Variants in MKNK2 observed in about 807,000 individuals in gnomAD.
The protein encoded by MKNK2 is MAP kinase-interacting serine/threonine-protein kinase 2.
In MKNK2, 54 loss-of-function variants were observed where a neutral mutation model predicts 55.0. The observed-to-expected ratio is 0.98, with a 90% CI of 0.79 to 1.23. MKNK2 has a LOEUF of 1.23. Among genes scored for constraint, MKNK2 ranks in the 50% most tolerant of loss-of-function variants. The pLI is 0.00. For missense variants in MKNK2, 685 were observed against 632.1 expected (o/e 1.08, Z -0.90); for synonymous variants, 323 against 256.0 (o/e 1.26, Z -2.50).
In MKNK2 at chr19:2,037,752, G is replaced by GT. The variant is rs1481064912; in HGVS notation, c.*1860dup. On this transcript the variant is annotated 3_prime_UTR_variant, in exon 14 of 14. Coordinates refer to ENST00000250896, the MANE Select transcript of MKNK2 (RefSeq NM_199054.3). The stretch of plus-strand genomic sequence containing the variant: ...CCTCCAGGATCTTCACTCATTCACA[G>GT]TAACGGTTCTGACCAGTCCTCCAGG... 4 of 1,599,140 alleles carry GT rather than the reference G, an allele frequency of 2.5e-6. No individual in the cohort carries two copies. Among genetic ancestry groups the GT allele is most frequent in the East Asian group, 2.2e-5 (1 of 44,596 alleles).
rs2145692437 is a variant in MKNK2 at position 2,046,424 on chromosome 19, T to G, written c.184A>C (p.Arg62=). The G allele has an allele frequency of 6.2e-7, 1 of 1,609,404 alleles. No homozygotes were observed. The highest frequency in any genetic ancestry group is 8.5e-7 in the Non-Finnish European group (1 of 1,179,770). ...CGGCCGCGCTTCTTCTTCTTGCCCCTCTTCTTGGCGTCCGGGATGTCAATG... is the reference window on the plus strand; with the variant it reads ...CGGCCGCGCTTCTTCTTCTTGCCCCGCTTCTTGGCGTCCGGGATGTCAATG... ...QPIDIPDAKK[R]GKKKKRGRAT... is the part of the protein sequence containing the mutation. Residue 62 remains arginine, a synonymous_variant, in exon 4 of 14, where the codon AGG becomes CGG. Transcript: ENST00000250896.
rs951206272 is a variant in MKNK2 at position 2,039,587 on chromosome 19, C to T, written c.*26G>A. 9 of 1,598,562 alleles carry T rather than the reference C, an allele frequency of 5.6e-6. No homozygotes were observed. The Admixed American group carries it at 6.7e-5, about 12-fold the overall frequency. On this transcript the variant is annotated 3_prime_UTR_variant, in exon 14 of 14. Transcript: ENST00000250896. ...TAGATTTGATTGGGGGACGGGTGAC[C>T]TATGTACAGAGGGGAGATGGGAGGG...
chr19:2,047,613 G>A (rs140702586), intron 2 of MKNK2, among the ~76,000 whole-genome samples: 2 of 152,102 alleles, frequency 1.3e-5, no homozygotes, highest in African/African-American at 4.8e-5. Flanking sequence ...TAGGCGGGCT[G>A]CCAGCCTGGT....
rs1481448502 is a variant in MKNK2 at position 2,046,210 on chromosome 19, G to A, written c.315C>T (p.Ile105=). The A allele has an allele frequency of 1.9e-6, 3 of 1,608,584 alleles. No individual in the cohort carries two copies. Among genetic ancestry groups the A allele is most frequent in the Admixed American group, 1.7e-5 (1 of 60,022 alleles). ...CCTTGACGGCGTACTCCTGGCTGGT[G>A]ATCAGGTTGATGCAGGTCTGCACTC... ...HARVQTCINL[I]TSQEYAVKII... Residue 105 remains isoleucine, a synonymous_variant, in exon 5 of 14, where the codon ATC becomes ATT. Transcript: ENST00000250896.
Position 2,038,529 on chromosome 19 carries a change from G to A in MKNK2, c.*1084C>T, listed in dbSNP as rs895599194. 7 of 985,526 alleles carry A rather than the reference G, an allele frequency of 7.1e-6. No individual in the cohort carries two copies. Among genetic ancestry groups the A allele is most frequent in the East Asian group, 1.1e-4 (1 of 8,790 alleles). The allele number at this position is 985,526 out of a possible 1,614,324, so 61.0% of individuals were successfully genotyped here. A position where few individuals can be genotyped will look rare whatever the true frequency, so the allele number is the denominator to read the frequency against. ...ATTCCTGGGTGCCCGAAGGGAGGCC[G>A]AGGCCGCAGCCGTTTTCCTGAAGGT... is the stretch of plus-strand genomic sequence containing the variant. On this transcript the variant is annotated 3_prime_UTR_variant, in exon 14 of 14. Coordinates refer to ENST00000250896, the MANE Select transcript of MKNK2 (RefSeq NM_199054.3).
Position 2,042,444 on chromosome 19 carries a change from G to C in MKNK2, c.733C>G (p.Pro245Ala). The C allele has an allele frequency of 6.3e-7, 1 of 1,584,334 alleles. No homozygotes were observed. Among genetic ancestry groups the C allele is most frequent in the Non-Finnish European group, 8.6e-7 (1 of 1,166,950 alleles). The change falls in exon 10 of 14, where the codon CCG (proline) becomes GCG (alanine). Residue 245 changes from proline (P) to alanine (A), a missense_variant. Transcript: ENST00000250896. ...LNGDCSPIST[P>A]ELLTPCGSAE... ...GCCCTCACCGGAGTGAGCAGCTCCG[G>C]GGTGGAGATAGGGGAGCAGTCCCCG...
In MKNK2 at chr19:2,041,026, C is replaced by A. The variant is rs760798288; in HGVS notation, c.1110+14G>T. 1.2e-6 allele frequency: 2 copies of A among 1,613,130 alleles called. No individual in the cohort carries two copies. The highest frequency in any genetic ancestry group is 1.3e-5 in the African/African-American group (1 of 74,886). ...CCCCATACCCCTCCTGCCGCCCGTG[C>A]GGCTGGTACTCACCCCCTGAACCCA... On this transcript the variant is annotated intron_variant, in intron 12 of 13. Transcript: ENST00000250896.
In MKNK2 at chr19:2,041,255, C is replaced by G. The variant is rs764010111; in HGVS notation, c.946-51G>C. 1.9e-5 allele frequency: 30 copies of G among 1,566,542 alleles called. No individual in the cohort carries two copies. In the East Asian group the frequency reaches 6.3e-4, roughly 33 times the overall value. ...TTAGACCTGCCCAAGGGCCTGGATACTGTGCACTGACACGTGGCTCCAACC... is the reference window on the plus strand; with the variant it reads ...TTAGACCTGCCCAAGGGCCTGGATAGTGTGCACTGACACGTGGCTCCAACC... On this transcript the variant is annotated intron_variant, in intron 11 of 13. Transcript: ENST00000250896.
intron 2 of MKNK2, among the ~76,000 whole-genome samples, chr19:2,049,250 A>G (rs1410536749): frequency 6.6e-6 from 1 of 152,216 alleles, no homozygotes; most frequent in Non-Finnish European, 1.5e-5. Flanking sequence ...CCATCTGCGA[A>G]CGGAAAGAAA....
At position 2,046,627 on chromosome 19, in the gene MKNK2, C is replaced by T; in HGVS notation, c.116G>A (p.Gly39Asp). 1 of 1,569,578 alleles carries T rather than the reference C, an allele frequency of 6.4e-7. No homozygotes were observed. The change falls in exon 3 of 14, where the codon GGC (glycine) becomes GAC (aspartate). Residue 39 changes from glycine to aspartate, a missense_variant. Physicochemically the swap from Gly to Asp is moderately conservative, Grantham distance 94. Coordinates refer to ENST00000250896, the MANE Select transcript of MKNK2 (RefSeq NM_199054.3). ...DQPDHGDSDF[G>D]LQCSARPDMP... The stretch of plus-strand genomic sequence containing the variant: ...ACCAGGGCGGGCTGAGCACTGCAGG[C>T]CAAAGTCAGAGTCTCCGTGGTCGGG...
intron 5 of MKNK2, among the ~76,000 whole-genome samples, 192 bp downstream of exon 5, chr19:2,045,994 G>A (rs969437992): frequency 4.6e-5 from 7 of 152,192 alleles, no homozygotes; most frequent in Non-Finnish European, 7.4e-5. Context: ...GCCTCTGTCT[G>A]AAGCCCCCAC....
chr19:2,042,283 A>G (rs925762253), intron 10 of MKNK2, 144 bp downstream of exon 10: 4 of 827,656 alleles, frequency 4.8e-6, no homozygotes, highest in Non-Finnish European at 7.3e-6. Context: ...CCCCGCCGCG[A>G]CACCCCGCCC....
chr19:2,048,452 G>T (rs1029570285), intron 2 of MKNK2, among the ~76,000 whole-genome samples: 1 of 152,132 alleles, frequency 6.6e-6, no homozygotes, highest in Admixed American at 6.5e-5. Flanking sequence ...CAGGTTCCTT[G>T]TACCACTGAG....
In MKNK2 at chr19:2,039,535, C is replaced by G; in HGVS notation, c.*78G>C. ...CAGAGGAGGGGCAGCCCGCTGGACA[C>G]CGGCTGGCGATAGCTTAAAAAACCT... On this transcript the variant is annotated 3_prime_UTR_variant, in exon 14 of 14. Coordinates refer to ENST00000250896, the MANE Select transcript of MKNK2 (RefSeq NM_199054.3). 1 of 1,499,422 alleles carries G rather than the reference C, an allele frequency of 6.7e-7. No individual in the cohort carries two copies. The highest frequency in any genetic ancestry group is 8.9e-7 in the Non-Finnish European group (1 of 1,121,782). 92.9% of individuals were successfully genotyped at this position (1,499,422 alleles called of 1,614,324 possible).
rs111246665 is a variant in MKNK2, at chr19:2,042,273, C to A, written c.750+154G>T. The stretch of plus-strand genomic sequence containing the variant: ...GACGCGTTGGGGCGCCTGCTCGAGG[C>A]CCCGCCGCGACACCCCGCCCAACCA... On this transcript the variant is annotated intron_variant, in intron 10 of 13. Coordinates refer to ENST00000250896, the MANE Select transcript of MKNK2 (RefSeq NM_199054.3). 1.5e-4 allele frequency: 121 copies of A among 795,498 alleles called. No individual in the cohort carries two copies. The African/African-American group carries it at 2.0e-3, about 13-fold the overall frequency. The allele number at this position is 795,498 out of a possible 1,614,324, so 49.3% of individuals were successfully genotyped here.
chr19:2,042,125 G>A, intron 10 of MKNK2, 91 bp from the exon 11 acceptor site: 2 of 1,253,590 alleles, frequency 1.6e-6, no homozygotes, highest in East Asian at 3.0e-5. Flanking sequence ...GCGCCAGCCG[G>A]CTCGGACCCC....
In MKNK2 at chr19:2,039,712, G is replaced by A. The variant is rs752599580; in HGVS notation, c.1299C>T (p.Cys433=). ...QPVLVRATSR[C]LQLSPPSQSK... is the part of the protein sequence containing the mutation. ...ACTGGGAGGGTGGAGACAGCTGCAG[G>A]CAGCGTGAGGTAGCTCGGACCAGGA... is the stretch of plus-strand genomic sequence containing the variant. Residue 433 remains cysteine (C), a synonymous_variant, in exon 14 of 14, where the codon TGC becomes TGT. Coordinates refer to ENST00000250896, the MANE Select transcript of MKNK2 (RefSeq NM_199054.3). 1.6e-5 allele frequency: 25 copies of A among 1,612,324 alleles called. No homozygotes were observed. Among genetic ancestry groups the A allele is most frequent in the East Asian group, 1.3e-4 (6 of 44,888 alleles).
chr19:2,038,247 G>T lies in MKNK2; in HGVS notation c.*1366C>A, dbSNP rs866402296. The T allele has an allele frequency of 2.4e-5, 23 of 958,936 alleles. No individual in the cohort carries two copies. Among genetic ancestry groups the T allele is most frequent in the South Asian group, 1.4e-4 (3 of 20,732 alleles). 59.4% of individuals were successfully genotyped at this position (958,936 alleles called of 1,614,324 possible). ...GGGAAGCAAAGTCCATCGATGTGTT[G>T]TTTTTTTTTAAGGAAAAACTAAAAA... On this transcript the variant is annotated 3_prime_UTR_variant, in exon 14 of 14. Coordinates refer to ENST00000250896, the MANE Select transcript of MKNK2 (RefSeq NM_199054.3).
At position 2,043,037 on chromosome 19, in the gene MKNK2, A is replaced by C; in HGVS notation, c.493+87T>G. 3 of 1,327,990 alleles carry C rather than the reference A, an allele frequency of 2.3e-6. No homozygotes were observed. In the Admixed American group the frequency reaches 5.2e-5, roughly 23 times the overall value. The allele number at this position is 1,327,990 out of a possible 1,614,324, so 82.3% of individuals were successfully genotyped here. A position where few individuals can be genotyped will look rare whatever the true frequency, so the allele number is the denominator to read the frequency against. Reference sequence around the variant, plus strand: ...CATTTGGGCAGGACACTCACCCCACAAGCCCCCTCCTGCAGGTGGCACTAG... The same window carrying C: ...CATTTGGGCAGGACACTCACCCCACCAGCCCCCTCCTGCAGGTGGCACTAG... On this transcript the variant is annotated intron_variant, in intron 7 of 13. Coordinates refer to ENST00000250896, the MANE Select transcript of MKNK2 (RefSeq NM_199054.3).
Sources: allele counts gnomAD v4.1 joint callset (sites outside exome capture counted in the v4.1 genomes callset), GRCh38; gene constraint gnomAD v4.1.1; transcripts MANE v1.5; gene names NCBI Gene and HGNC (gene_info 2026-07-23, HGNC 2026-07-21).